The following OTOGL variants were observed in gnomAD, a reference collection of about 807,000 sequenced individuals.
OTOGL encodes the protein otogelin like.
In OTOGL, 285 loss-of-function variants were observed where a neutral mutation model predicts 318.5. That is an observed-to-expected ratio of 0.89 (90% CI 0.81 to 0.99). The LOEUF is 0.99. Ranked by LOEUF, OTOGL falls within the 50% of genes least tolerant of loss-of-function variation. The pLI is 0.00. For missense variants in OTOGL, 2,899 were observed against 2,845.6 expected, an observed-to-expected ratio of 1.02 and a Z score of -0.43; for synonymous variants, 987 against 936.5, an observed-to-expected ratio of 1.05 and a Z score of -0.99.
chr12:80,301,584 ATTTCT>A (rs1885763881), intron 27 of OTOGL, among the ~76,000 whole-genome samples: 1 of 152,096 alleles, frequency 6.6e-6, no homozygotes, highest in South Asian at 2.1e-4. Context: ...GATTCAAGCC[ATTTCT>A]TTTGTTTGGA....
At chr12:80,312,623 G>A (rs57681087) in intron 30 of OTOGL, among the ~76,000 whole-genome samples, 2,333 of 152,146 alleles carry the variant, frequency 0.015, 60 homozygotes, top group African/African-American at 0.054. Context: ...TTTATAAAAA[G>A]GGTTGCTTTT....
chr12:80,134,013 C>T (rs1369953956), intron 1 of OTOGL, among the ~76,000 whole-genome samples: 1 of 152,078 alleles, frequency 6.6e-6, no homozygotes, highest in Non-Finnish European at 1.5e-5. Context: ...AGTAGAGTCA[C>T]TGAATTTCAG....
chr12:80,145,965 A>G (rs1355684025), intron 1 of OTOGL, among the ~76,000 whole-genome samples: 2 of 148,156 alleles, frequency 1.3e-5, no homozygotes, highest in Admixed American at 6.7e-5. Context: ...TGGGCTGAAC[A>G]ATGGGGTTTT....
At chr12:80,330,116 G>A (rs1887977858) in intron 37 of OTOGL, among the ~76,000 whole-genome samples, 1 of 152,150 alleles carries the variant, frequency 6.6e-6, no homozygotes, top group Admixed American at 6.5e-5. Context: ...TGAATGTGCA[G>A]TTTGAGGGGA....
At chr12:80,349,033 A>G (rs899022262) in intron 44 of OTOGL, among the ~76,000 whole-genome samples, 1 of 152,166 alleles carries the variant, frequency 6.6e-6, no homozygotes, top group African/African-American at 2.4e-5. Context: ...AGTGTTCATC[A>G]GTTAATAAGT....
chr12:80,106,902 AT>A (rs140287378), intron 1 of OTOGL, among the ~76,000 whole-genome samples: 4,701 of 149,876 alleles, frequency 0.031, 248 homozygotes, highest in African/African-American at 0.11. Flanking sequence ...TTTTTGAAGC[AT>A]TTTTTTTTAC....
chr12:80,335,863 A>G, intron 38 of OTOGL, 100 bp from the exon 39 acceptor site: 1 of 1,110,020 alleles, frequency 9.0e-7, no homozygotes, highest in East Asian at 2.8e-5. Context: ...TTTTGTATTC[A>G]ATAAATGTAC....
intron 11 of OTOGL, among the ~76,000 whole-genome samples, chr12:80,248,929 T>C (rs969758731): frequency 4.7e-5 from 7 of 148,776 alleles, no homozygotes; most frequent in African/African-American, 1.3e-4. Flanking sequence ...CTTCCATTGC[T>C]GATACCCTTT....
In OTOGL at chr12:80,355,915, G is replaced by A; in HGVS notation, c.5773G>A (p.Asp1925Asn). Residue 1925 changes from aspartate (D) to asparagine (N), a missense_variant, in exon 47 of 59, where the codon GAT becomes AAT. This residue lies in a region of OTOGL where 2,607 missense variants were observed against 2,524.9 expected (regional missense o/e 1.03). Coordinates refer to ENST00000547103, the MANE Select transcript of OTOGL (RefSeq NM_001378609.3). Reference protein sequence around the residue: ...REAEVVMGIIDKWTCCSKEVC... With the variant: ...REAEVVMGIINKWTCCSKEVC... Reference sequence around the variant, plus strand: ...AGCTGAAGTTGTCATGGGCATCATTGATAAATGGACCTGCTGTTCAAAGGA... The same window carrying A: ...AGCTGAAGTTGTCATGGGCATCATTAATAAATGGACCTGCTGTTCAAAGGA... 6.2e-7 allele frequency: 1 copy of A among 1,613,896 alleles called. No homozygotes were observed. The highest frequency in any genetic ancestry group is 8.5e-7 in the Non-Finnish European group (1 of 1,179,814).
intron 1 of OTOGL, among the ~76,000 whole-genome samples, chr12:80,143,758 A>G (rs1214082597): frequency 1.3e-5 from 2 of 152,232 alleles, no homozygotes; most frequent in Admixed American, 6.5e-5. Context: ...GGAGGCCATC[A>G]GGAGTAACTA....
chr12:80,361,792 A>C (rs1320894738), intron 52 of OTOGL, among the ~76,000 whole-genome samples: 1 of 152,178 alleles, frequency 6.6e-6, no homozygotes, highest in Non-Finnish European at 1.5e-5. Context: ...TAAAATGCCT[A>C]TTCAGGCCCT....
chr12:80,304,255 C>G lies in OTOGL; in HGVS notation c.3214-1321C>G, dbSNP rs1885961463. On this transcript the variant is annotated intron_variant, in intron 28 of 58. Transcript: ENST00000547103. The stretch of plus-strand genomic sequence containing the variant: ...AATCTGAGTTGTTTATAATTTTTGG[C>G]AATTATAAATTATTTTATATACTAT... Among the ~76,000 whole-genome samples, 4 of 151,828 alleles carry G rather than the reference C, an allele frequency of 2.6e-5. No individual in the cohort carries two copies. In the South Asian group the frequency reaches 6.3e-4, roughly 24 times the overall value.
At chr12:80,213,689 T>C (rs149641703) in intron 4 of OTOGL, among the ~76,000 whole-genome samples, 1 of 152,358 alleles carries the variant, frequency 6.6e-6, no homozygotes, top group African/African-American at 2.4e-5. Context: ...AGCATTTGTA[T>C]ACTTTACTCC....
intron 37 of OTOGL, among the ~76,000 whole-genome samples, chr12:80,329,935 G>C (rs1369830098): frequency 6.6e-6 from 1 of 152,090 alleles, no homozygotes; most frequent in East Asian, 1.9e-4. Context: ...GCCCACACTA[G>C]GACCATCATA....
chr12:80,147,608 C>T (rs1872480742), intron 1 of OTOGL, among the ~76,000 whole-genome samples: 1 of 151,906 alleles, frequency 6.6e-6, no homozygotes, highest in Non-Finnish European at 1.5e-5. Context: ...CCTGGGTATT[C>T]TTGTTGACTT....
chr12:80,266,935 G>A (rs543049335), intron 21 of OTOGL, among the ~76,000 whole-genome samples: 2 of 152,206 alleles, frequency 1.3e-5, no homozygotes, highest in East Asian at 1.9e-4. Flanking sequence ...TACACACGAA[G>A]TAAAGCCCTT....
At chr12:80,252,952 G>A (rs1318424054) in intron 13 of OTOGL, among the ~76,000 whole-genome samples, 1 of 152,168 alleles carries the variant, frequency 6.6e-6, no homozygotes, top group African/African-American at 2.4e-5. Context: ...CCATGAAAAG[G>A]TCAGCTGAAT....
At chr12:80,202,380 C>T (rs540315418) in intron 1 of OTOGL, among the ~76,000 whole-genome samples, 4 of 151,456 alleles carry the variant, frequency 2.6e-5, no homozygotes, top group East Asian at 3.9e-4. Flanking sequence ...AAGCAATTCT[C>T]GTGCCTCAGC....
chr12:80,207,270 C>G (rs187828000), intron 1 of OTOGL, among the ~76,000 whole-genome samples: 72 of 152,166 alleles, frequency 4.7e-4, no homozygotes, highest in African/African-American at 1.6e-3. Flanking sequence ...GGCACGATCT[C>G]TGCTCACCAC....
Sources: allele counts gnomAD v4.1 joint callset (sites outside exome capture counted in the v4.1 genomes callset), GRCh38; gene constraint gnomAD v4.1.1; regional missense constraint gnomAD v4.1.1; transcripts MANE v1.5; gene names NCBI Gene and HGNC (gene_info 2026-07-23, HGNC 2026-07-21).